The following PCDH15 variants were observed in gnomAD, a reference collection of about 807,000 sequenced individuals.
PCDH15 encodes protocadherin-15.
A neutral mutation model predicts 178.5 loss-of-function variants in PCDH15; 129 were observed. That is an observed-to-expected ratio of 0.72 (90% CI 0.63 to 0.84). The LOEUF is 0.84. Ranked by LOEUF, PCDH15 falls within the 40% of genes least tolerant of loss-of-function variation. The probability of loss-of-function intolerance (pLI) is 0.00; values close to 1 mark genes in which losing one functional copy is unlikely to be tolerated. For synonymous variants in PCDH15, 800 were observed against 732.0 expected, an observed-to-expected ratio of 1.09 and a Z score of -1.50; for missense variants, 2,230 against 2,099.9, an observed-to-expected ratio of 1.06 and a Z score of -1.21.
chr10:54,694,788 A>G (rs537071415), intron 1 of PCDH15, among the ~76,000 whole-genome samples: 1 of 152,156 alleles, frequency 6.6e-6, no homozygotes, highest in African/African-American at 2.4e-5. Context: ...ACAATATTCA[A>G]ATTAGGCCAA....
At chr10:53,864,397 G>C (rs965007740) in intron 27 of PCDH15, among the ~76,000 whole-genome samples, 6 of 152,108 alleles carry the variant, frequency 3.9e-5, no homozygotes, top group East Asian at 1.9e-4. Flanking sequence ...AGGATCAAAG[G>C]CTACTCTCCC....
At chr10:54,567,558 C>A (rs1252786115) in intron 2 of PCDH15, among the ~76,000 whole-genome samples, 1 of 152,008 alleles carries the variant, frequency 6.6e-6, no homozygotes, top group African/African-American at 2.4e-5. Flanking sequence ...GTTATAAAAT[C>A]AAATCATAAT....
At chr10:55,309,209 G>A (rs956646956) in intron 1 of PCDH15, among the ~76,000 whole-genome samples, 2 of 152,040 alleles carry the variant, frequency 1.3e-5, no homozygotes, top group Non-Finnish European at 2.9e-5. Context: ...TATTCTCTAT[G>A]TATGACAATA....
Position 53,840,477 on chromosome 10 carries a change from G to C in PCDH15, c.3826C>G (p.Gln1276Glu), listed in dbSNP as rs769526934. The stretch of plus-strand genomic sequence containing the variant: ...ACCTTGGCACCAGGAATTTGTTCCT[G>C]AACATAGCGATCCAAGATCCTATAA... Reference protein sequence around the residue: ...DLTEILDRYVQEQIPGAKVVV... With the variant: ...DLTEILDRYVEEQIPGAKVVV... The change falls in exon 29 of 38, where the codon CAG becomes GAG. Residue 1276 changes from glutamine (Q) to glutamate (E), a missense_variant. Coordinates refer to ENST00000644397, the MANE Select transcript of PCDH15 (RefSeq NM_001384140.1). 6.2e-7 allele frequency: 1 copy of C among 1,613,940 alleles called. No individual in the cohort carries two copies. The highest frequency in any genetic ancestry group is 8.5e-7 in the Non-Finnish European group (1 of 1,179,880).
intron 2 of PCDH15, among the ~76,000 whole-genome samples, chr10:55,115,721 A>C (rs371126265): frequency 6.6e-6 from 1 of 152,164 alleles, no homozygotes; most frequent in Non-Finnish European, 1.5e-5. Flanking sequence ...TTCATCTTCC[A>C]TCTGCCATGT....
intron 8 of PCDH15, among the ~76,000 whole-genome samples, chr10:54,302,688 T>C (rs1293119698): frequency 1.3e-5 from 2 of 152,170 alleles, no homozygotes; most frequent in Non-Finnish European, 2.9e-5. Flanking sequence ...TGGCAGTCGA[T>C]CAGACTAAAA....
chr10:55,044,820 T>G (rs1227745122), intron 2 of PCDH15, among the ~76,000 whole-genome samples: 2 of 152,118 alleles, frequency 1.3e-5, no homozygotes, highest in Non-Finnish European at 2.9e-5. Context: ...TGTTATTCAA[T>G]GTGCTAGAAA....
At chr10:55,244,479 A>G (rs1439913313) in intron 1 of PCDH15, among the ~76,000 whole-genome samples, 2 of 152,010 alleles carry the variant, frequency 1.3e-5, no homozygotes, top group Non-Finnish European at 2.9e-5. Flanking sequence ...ACCCCATGTG[A>G]GATTTATGGA....
At chr10:54,426,741 T>A (rs2135933189) in intron 3 of PCDH15, among the ~76,000 whole-genome samples, 1 of 152,254 alleles carries the variant, frequency 6.6e-6, no homozygotes, top group Non-Finnish European at 1.5e-5. Context: ...CTGTCTTACA[T>A]CATACCTCTC....
At chr10:53,983,808 T>C (rs952437907) in intron 21 of PCDH15, among the ~76,000 whole-genome samples, 6 of 152,192 alleles carry the variant, frequency 3.9e-5, no homozygotes, top group African/African-American at 1.4e-4. Context: ...ATGAACCTTA[T>C]CTGAGCTAGT....
At position 55,400,564 on chromosome 10, in the gene PCDH15, A is replaced by G. The variant is rs74566997; in HGVS notation, c.-156+227061T>C. On this transcript the variant is annotated intron_variant, in intron 2 of 5. Coordinates refer to the PCDH15 transcript ENST00000613346. ...AAATTTGTTTGTAACTCCAGAAACA[A>G]TATTCTCCGTGCTCCCATGGTTATT... 7.9e-3 allele frequency among the ~76,000 whole-genome samples: 1,209 copies of G among 152,232 alleles called. 15 individuals are homozygous for G. The highest frequency in any genetic ancestry group is 0.026 in the African/African-American group (1,087 of 41,552).
At chr10:54,405,318 A>G (rs936125485) in intron 3 of PCDH15, among the ~76,000 whole-genome samples, 1 of 152,112 alleles carries the variant, frequency 6.6e-6, no homozygotes, top group Non-Finnish European at 1.5e-5. Context: ...GGAATGCGGT[A>G]CATTCCATGT....
chr10:55,098,895 T>TGAGAGAGAGAGAGAGAGA (rs10535301), intron 2 of PCDH15, among the ~76,000 whole-genome samples: 1,631 of 120,156 alleles, frequency 0.014, 42 homozygotes, highest in Middle Eastern at 0.021. Context: ...AAAACTTCAA[T>TGAGAGAGAGAGAGAGAGA]GAGAGAGAGA....
intron 2 of PCDH15, among the ~76,000 whole-genome samples, chr10:55,622,967 A>T (rs1837438031): frequency 6.6e-6 from 1 of 152,222 alleles, no homozygotes; most frequent in Admixed American, 6.5e-5. Context: ...ATACCAAGAC[A>T]GAGCATCTAA....
At chr10:54,535,902 T>G (rs1169399918) in intron 2 of PCDH15, among the ~76,000 whole-genome samples, 1 of 152,172 alleles carries the variant, frequency 6.6e-6, no homozygotes, top group Non-Finnish European at 1.5e-5. Flanking sequence ...TCAAAACATG[T>G]TAATCTTTGT....
chr10:55,429,530 T>C (rs916425121), intron 2 of PCDH15, among the ~76,000 whole-genome samples: 2 of 152,150 alleles, frequency 1.3e-5, no homozygotes, highest in African/African-American at 4.8e-5. Flanking sequence ...TTTACACTGG[T>C]TTTGAGGAAT....
chr10:55,476,534 C>G (rs572316046), intron 2 of PCDH15, among the ~76,000 whole-genome samples: 1 of 151,808 alleles, frequency 6.6e-6, no homozygotes, highest in East Asian at 1.9e-4. Flanking sequence ...CCAAATGTTG[C>G]CATGCATATA....
At chr10:55,148,947 C>G (rs1181629593) in intron 2 of PCDH15, among the ~76,000 whole-genome samples, 4 of 150,892 alleles carry the variant, frequency 2.7e-5, no homozygotes, top group African/African-American at 9.7e-5. Context: ...CTGATTACAT[C>G]TTAGACACTA....
intron 2 of PCDH15, among the ~76,000 whole-genome samples, chr10:55,074,709 C>T (rs1841837622): frequency 6.6e-6 from 1 of 152,078 alleles, no homozygotes; most frequent in Admixed American, 6.6e-5. Context: ...TGCAGAAGCT[C>T]TTTAGTTTGA....
Sources: allele counts gnomAD v4.1 joint callset (sites outside exome capture counted in the v4.1 genomes callset), GRCh38; gene constraint gnomAD v4.1.1; transcripts MANE v1.5; gene names NCBI Gene and HGNC (gene_info 2026-07-23, HGNC 2026-07-21).